The following SLC33A2 variants were observed in gnomAD, a reference collection of about 807,000 sequenced individuals.
The protein encoded by SLC33A2 is solute carrier family 33 member 2, also known as major facilitator superfamily domain containing 3.
chr8:144,509,779 T>C, the SLC33A2 span: 3 of 1,555,086 alleles, frequency 1.9e-6, no homozygotes, highest in Non-Finnish European at 2.6e-6. Context: ...GGGGCCGCGC[T>C]AGCTGGGGGC....
At chr8:144,510,252 C>A in the SLC33A2 span, 4 of 1,516,492 alleles carry the variant, frequency 2.6e-6, no homozygotes, top group African/African-American at 1.4e-5. Flanking sequence ...GTATCTGCAG[C>A]TCTGGAACAC....
the SLC33A2 span, chr8:144,510,069 A>G: frequency 7.1e-6 from 11 of 1,548,152 alleles, no homozygotes; most frequent in Admixed American, 9.2e-5. Flanking sequence ...GGACAGCTCC[A>G]GGTGTGTCCC....
chr8:144,511,017 G>T, the SLC33A2 span: 1 of 1,602,448 alleles, frequency 6.2e-7, no homozygotes, highest in Non-Finnish European at 8.5e-7. Context: ...TTCTGGCCAC[G>T]CTGGAGCTGC....
At chr8:144,510,050 G>C in the SLC33A2 span, 11 of 1,572,358 alleles carry the variant, frequency 7.0e-6, no homozygotes, top group Middle Eastern at 1.9e-4. Flanking sequence ...ACAGCAGTTG[G>C]GGCTTCCGGG....
chr8:144,509,954 G>A, the SLC33A2 span: 67 of 1,594,994 alleles, frequency 4.2e-5, no homozygotes, highest in South Asian at 7.0e-4. Flanking sequence ...ACCTTCTGCG[G>A]GACGTGCTAG....
At chr8:144,509,979 G>A in the SLC33A2 span, 2 of 1,596,070 alleles carry the variant, frequency 1.3e-6, no homozygotes, top group African/African-American at 1.3e-5. Context: ...GCCGGGGACC[G>A]TGTGGACGGC....
chr8:144,510,558 C>A, the SLC33A2 span: 8 of 1,610,442 alleles, frequency 5.0e-6, no homozygotes, highest in Non-Finnish European at 6.8e-6. Flanking sequence ...TGAGCTGCCC[C>A]CAATCCACTA....
At chr8:144,510,523 T>G in the SLC33A2 span, 2 of 1,612,338 alleles carry the variant, frequency 1.2e-6, no homozygotes, top group East Asian at 2.2e-5. Context: ...CCCTCCCCAG[T>G]GTACCCTGCC....
At chr8:144,511,021 G>A in the SLC33A2 span, 2 of 1,603,010 alleles carry the variant, frequency 1.2e-6, no homozygotes, top group Admixed American at 1.7e-5. Flanking sequence ...GGCCACGCTG[G>A]AGCTGCTGGG....
the SLC33A2 span, chr8:144,509,800 C>A: frequency 6.5e-7 from 1 of 1,544,950 alleles, no homozygotes; most frequent in Non-Finnish European, 8.7e-7. Context: ...GCGCTGCTGG[C>A]GCTGCTGCCC....
chr8:144,509,894 G>A, the SLC33A2 span: 1 of 1,549,652 alleles, frequency 6.5e-7, no homozygotes, highest in Non-Finnish European at 8.7e-7. Context: ...CACCAGCCCT[G>A]CGGCGGCTCC....
At chr8:144,511,115 C>T in the SLC33A2 span, 3 of 1,610,546 alleles carry the variant, frequency 1.9e-6, no homozygotes, top group Non-Finnish European at 1.7e-6. Context: ...CTCATCCTCT[C>T]TGCCTTTCCC....
the SLC33A2 span, chr8:144,510,079 C>G: frequency 4.6e-6 from 7 of 1,528,196 alleles, no homozygotes; most frequent in Non-Finnish European, 6.1e-6. Flanking sequence ...AGGTGTGTCC[C>G]CAGGGGCTTG....
At chr8:144,510,940 G>A in the SLC33A2 span, 3 of 1,600,020 alleles carry the variant, frequency 1.9e-6, no homozygotes, top group South Asian at 2.2e-5. Context: ...AGAGACCACG[G>A]GGCTGGGGCT....
At chr8:144,509,760 TACAAGCTGGGGGCCGC>T in the SLC33A2 span, 3 of 1,563,334 alleles carry the variant, frequency 1.9e-6, no homozygotes, top group African/African-American at 4.1e-5. Flanking sequence ...GGTGGTCGCG[TACAAGCTGGGGGCCGC>T]GCTAGCTGGG....
the SLC33A2 span, chr8:144,509,362 G>T: frequency 6.7e-7 from 1 of 1,489,130 alleles, no homozygotes; most frequent in Non-Finnish European, 8.9e-7. Context: ...CCGCTGGCCG[G>T]CCTCTACCTG....
chr8:144,510,918 C>G, the SLC33A2 span: 6 of 1,602,548 alleles, frequency 3.7e-6, no homozygotes, highest in Non-Finnish European at 5.1e-6. Flanking sequence ...GTAGATGTAG[C>G]AGGGACACAA....
the SLC33A2 span, chr8:144,509,482 G>A: frequency 1.3e-6 from 2 of 1,536,224 alleles, no homozygotes; most frequent in Non-Finnish European, 1.7e-6. Flanking sequence ...TACGCTCCGT[G>A]GCTGCTCAAG....
chr8:144,509,813 C>T, the SLC33A2 span: 3 of 1,540,588 alleles, frequency 1.9e-6, no homozygotes, highest in Admixed American at 3.9e-5. Flanking sequence ...TGCTGCCCAC[C>T]TTCTCGTGGC....
Sources: allele counts gnomAD v4.1 joint callset, GRCh38; gene constraint gnomAD v4.1.1; transcripts MANE v1.5; gene names NCBI Gene and HGNC (gene_info 2026-07-23, HGNC 2026-07-21).